The following LY9 variants were observed in gnomAD, a reference collection of about 807,000 sequenced individuals.
The protein encoded by LY9 is lymphocyte antigen 9.
LY9 carries 59 observed loss-of-function variants against 64.6 expected under a neutral mutation model. The ratio of observed to expected loss-of-function variants is 0.91; its 90% CI spans 0.74 to 1.13. LY9 has a LOEUF of 1.13. Ranked by LOEUF, LY9 falls within the 50% of genes most tolerant of loss-of-function variation. The pLI, the probability that LY9 is intolerant of heterozygous loss-of-function variation, is 0.00. For synonymous variants in LY9, 281 were observed against 308.5 expected (o/e 0.91, Z 0.93); for missense variants, 789 against 797.2 (o/e 0.99, Z 0.12).
chr1:160,823,362 G>T, intron 7 of LY9, 103 bp from the exon 8 acceptor site: 1 of 783,026 alleles, frequency 1.3e-6, no homozygotes, highest in Non-Finnish European at 2.0e-6. Context: ...GGTTCTCTAG[G>T]CCTCATCTAA....
At position 160,823,564 on chromosome 1, in the gene LY9, C is replaced by T; in HGVS notation, c.1598C>T (p.Ser533Leu). 6.2e-7 allele frequency: 1 copy of T among 1,614,198 alleles called. No homozygotes were observed. The highest frequency in any genetic ancestry group is 1.1e-5 in the South Asian group (1 of 91,082). ...GCCAGGCAACAGCCTACACCCACCTCAGACAGCAGCTCTGACAGCAACCTC... is the reference window on the plus strand; with the variant it reads ...GCCAGGCAACAGCCTACACCCACCTTAGACAGCAGCTCTGACAGCAACCTC... ...RPARQQPTPT[S>L]DSSSDSNLTT... The change falls in exon 8 of 10, where the codon TCA becomes TTA. Residue 533 changes from serine (S) to leucine (L), a missense_variant. Coordinates refer to ENST00000263285, the MANE Select transcript of LY9 (RefSeq NM_002348.4).
At chr1:160,818,040 C>A (rs778087040) in intron 5 of LY9, among the ~76,000 whole-genome samples, 178 bp from the exon 6 acceptor site, 13 of 152,204 alleles carry the variant, frequency 8.5e-5, no homozygotes, top group African/African-American at 1.2e-4. Context: ...ACTGCTATAA[C>A]CTCTTGCCTA....
In LY9 at chr1:160,799,833, A is replaced by C; in HGVS notation, c.205A>C (p.Ile69Leu). Residue 69 changes from isoleucine (I) to leucine (L), a missense_variant, in exon 2 of 10, where the codon ATC becomes CTC. Coordinates refer to ENST00000263285, the MANE Select transcript of LY9 (RefSeq NM_002348.4). ...LGGSVTLPLNISVDTEIENVI... is the reference protein window; with the variant it reads ...LGGSVTLPLNLSVDTEIENVI... ...GGGTTCCGTGACTCTCCCCCTAAAC[A>C]TCTCAGTAGACACAGAGATTGAGAA... 2 of 1,614,056 alleles carry C rather than the reference A, an allele frequency of 1.2e-6. No individual in the cohort carries two copies. The highest frequency in any genetic ancestry group is 1.7e-6 in the Non-Finnish European group (2 of 1,179,944).
intron 9 of LY9, among the ~76,000 whole-genome samples, chr1:160,827,083 A>G (rs1668892162): frequency 6.6e-6 from 1 of 152,156 alleles, no homozygotes; most frequent in African/African-American, 2.4e-5. Flanking sequence ...TGTCTTCAGA[A>G]TTGTCAGGAC....
rs745380614 is a variant in LY9, at chr1:160,796,273, CTTCTG to C, written c.91_95del (p.Val31ThrfsTer44). The C allele has an allele frequency of 1.2e-6, 2 of 1,613,862 alleles. No homozygotes were observed. Among genetic ancestry groups the C allele is most frequent in the South Asian group, 1.1e-5 (1 of 91,068 alleles). ...CAGAGGAGTCAGCTGCAAATATTCTCTTCTGTTCTACAGACCTCTCTCCTCTTCCT... is the reference window on the plus strand; with the variant it reads ...CAGAGGAGTCAGCTGCAAATATTCTCTTCTACAGACCTCTCTCCTCTTCCT... On this transcript the variant is annotated frameshift_variant, in exon 1 of 10. Coordinates refer to ENST00000263285, the MANE Select transcript of LY9 (RefSeq NM_002348.4). LOFTEE classifies it high-confidence loss of function.
intron 2 of LY9, chr1:160,812,442 G>T (rs1027290647): frequency 8.0e-6 from 1 of 124,550 alleles, no homozygotes; most frequent in Non-Finnish European, 1.8e-5. Context: ...TAATTTGACC[G>T]TTTTCATTGA....
At position 160,814,498 on chromosome 1, in the gene LY9, C is replaced by A; in HGVS notation, c.809C>A (p.Ala270Glu). The A allele has an allele frequency of 6.2e-7, 1 of 1,614,126 alleles. No individual in the cohort carries two copies. The highest frequency in any genetic ancestry group is 8.5e-7 in the Non-Finnish European group (1 of 1,180,010). Residue 270 changes from alanine (A) to glutamate (E), a missense_variant, in exon 4 of 10, where the codon GCA (alanine) becomes GAA (glutamate). By Grantham distance (107) the Ala-to-Glu change is moderately radical (BLOSUM62 -1). Transcript: ENST00000263285. Reference sequence around the variant, plus strand: ...GGAGAGCCAGTCACCCTGCCACTTGCACTCCCAGCCTGCCGGGACACAGAG... The same window carrying A: ...GGAGAGCCAGTCACCCTGCCACTTGAACTCCCAGCCTGCCGGGACACAGAG... ...VLGEPVTLPL[A>E]LPACRDTEKV...
At chr1:160,800,211 T>A (rs1570968042) in intron 2 of LY9, 129 bp downstream of exon 2, 1 of 666,632 alleles carries the variant, frequency 1.5e-6, no homozygotes, top group South Asian at 1.9e-5. Flanking sequence ...TCAGTGTGTC[T>A]GCTGCCTGAG....
Position 160,799,810 on chromosome 1 carries a change from G to C in LY9, c.182G>C (p.Gly61Ala), listed in dbSNP as rs866757117. The C allele has an allele frequency of 6.2e-7, 1 of 1,614,122 alleles. No individual in the cohort carries two copies. Among genetic ancestry groups the C allele is most frequent in the African/African-American group, 1.3e-5 (1 of 75,044 alleles). Residue 61 changes from glycine (G) to alanine (A), a missense_variant, in exon 2 of 10, where the codon GGT (glycine) becomes GCT (alanine). Gly to Ala is a moderately conservative substitution (Grantham distance 60, BLOSUM62 0). Transcript: ENST00000263285. ...APTVVSGILG[G>A]SVTLPLNISV... ...ACAGTGGTGTCAGGGATCCTAGGGG[G>C]TTCCGTGACTCTCCCCCTAAACATC...
chr1:160,819,349 A>G lies in LY9; in HGVS notation c.1473A>G (p.Gln491=). 6.2e-7 allele frequency: 1 copy of G among 1,613,768 alleles called. No homozygotes were observed. The highest frequency in any genetic ancestry group is 1.3e-5 in the African/African-American group (1 of 75,020). Residue 491 remains glutamine (Q), a synonymous_variant, in exon 7 of 10, where the codon CAA becomes CAG. Coordinates refer to ENST00000263285, the MANE Select transcript of LY9 (RefSeq NM_002348.4). Reference sequence around the variant, plus strand: ...CAGTCCCAGCCTTCTGTTCCAGCCAAGCTGAGGCCCCAGCGGATACACCAG... The same window carrying G: ...CAGTCCCAGCCTTCTGTTCCAGCCAGGCTGAGGCCCCAGCGGATACACCAG... ...RCSVPAFCSS[Q]AEAPADTPEP...
intron 1 of LY9, chr1:160,797,155 C>T (rs905513305): frequency 1.0e-5 from 10 of 985,444 alleles, no homozygotes; most frequent in Non-Finnish European, 1.2e-5. Context: ...CCCGGAACCC[C>T]ACTGTCCAGC....
chr1:160,796,637 C>T (rs555392417), intron 1 of LY9, among the ~76,000 whole-genome samples: 1 of 152,274 alleles, frequency 6.6e-6, no homozygotes, highest in South Asian at 2.1e-4. Flanking sequence ...GTGATCTGCC[C>T]AGCTCAGCCA....
Position 160,818,384 on chromosome 1 carries a change from TC to T in LY9, c.1444+66del, listed in dbSNP as rs886175744. The stretch of plus-strand genomic sequence containing the variant: ...CATTTCCCTGGGACTTGTGGAGGCT[TC>T]TCTGCCCTCACACAATCCCGTGCTA... On this transcript the variant is annotated intron_variant, in intron 6 of 9. Transcript: ENST00000263285. 4.2e-6 allele frequency: 5 copies of T among 1,202,344 alleles called. No homozygotes were observed. In the African/African-American group the frequency reaches 7.5e-5, roughly 18 times the overall value. The allele number at this position is 1,202,344 out of a possible 1,614,324, so 74.5% of individuals were successfully genotyped here.
chr1:160,821,540 T>C (rs1175033114), intron 7 of LY9, among the ~76,000 whole-genome samples: 1 of 152,248 alleles, frequency 6.6e-6, no homozygotes, highest in Non-Finnish European at 1.5e-5. Flanking sequence ...GTTACTTCTT[T>C]CCTAAAATAT....
intron 3 of LY9, 90 bp downstream of exon 3, chr1:160,814,001 CA>C: frequency 2.9e-6 from 4 of 1,386,920 alleles, no homozygotes; most frequent in Non-Finnish European, 3.9e-6. Context: ...GTCAGACACA[CA>C]GGGGGTGGGG....
chr1:160,802,061 G>T (rs527427522), intron 2 of LY9: 70 of 1,402,872 alleles, frequency 5.0e-5, no homozygotes, highest in Non-Finnish European at 5.8e-5. Flanking sequence ...GGCGTTAGGC[G>T]TGTCCCACCC....
intron 5 of LY9, 68 bp downstream of exon 5, chr1:160,816,931 G>A: frequency 1.3e-6 from 2 of 1,519,964 alleles, no homozygotes; most frequent in Non-Finnish European, 1.8e-6. Flanking sequence ...CATCCTGACT[G>A]ATTCTTTATG....
chr1:160,822,102 T>C (rs494091), intron 7 of LY9, among the ~76,000 whole-genome samples: 79,955 of 152,044 alleles, frequency 0.53, 21,947 homozygotes, highest in East Asian at 0.7. Flanking sequence ...CTATGTTGTC[T>C]GAGATATAAA....
intron 1 of LY9, 48 bp from the exon 2 acceptor site, chr1:160,799,705 G>C (rs1447138875): frequency 8.4e-7 from 1 of 1,187,512 alleles, no homozygotes. Context: ...AAGAAGGCTA[G>C]CTCAAGGAGT....
Sources: gnomAD v4.1 joint callset for allele counts (sites outside exome capture counted in the v4.1 genomes callset) on GRCh38, gnomAD v4.1.1 for gene constraint, MANE v1.5 for transcripts, NCBI Gene and HGNC (gene_info 2026-07-23, HGNC 2026-07-21) for gene names.